TRPM1: variants seen among roughly 807,000 people sequenced by gnomAD.
TRPM1 encodes the protein TRPM1-203 APA Isoform, Intron 10.
TRPM1 carries 113 observed loss-of-function variants against 149.4 expected under a neutral mutation model. That is an observed-to-expected ratio of 0.76 (90% CI 0.65 to 0.88). The LOEUF (loss-of-function observed/expected upper bound fraction) is 0.88. Ranked by LOEUF, TRPM1 falls within the 40% of genes least tolerant of loss-of-function variation. The probability of loss-of-function intolerance (pLI) is 0.00; values close to 1 mark genes in which losing one functional copy is unlikely to be tolerated. For synonymous variants in TRPM1, 741 were observed against 759.5 expected (o/e 0.98, Z 0.40); for missense variants, 1,976 against 2,038.7 (o/e 0.97, Z 0.59).
At chr15:31,056,308 G>A (rs896595394) in intron 11 of TRPM1, among the ~76,000 whole-genome samples, 1 of 152,174 alleles carries the variant, frequency 6.6e-6, no homozygotes, top group African/African-American at 2.4e-5. Context: ...AGCATAAAGG[G>A]ACCTTTGAAA....
At position 31,063,357 on chromosome 15, in the gene TRPM1, C is replaced by A. The variant is rs2034288590; in HGVS notation, c.791-65G>T. On this transcript the variant is annotated intron_variant, in intron 7 of 27. Coordinates refer to ENST00000256552, the MANE Select transcript of TRPM1 (RefSeq NM_001252024.2). ...TGCACTGTCCACCCAGTCGTTTTAA[C>A]TCCTGAAGTATGGGGAAGAGTAAAA... The A allele has an allele frequency of 2.5e-6, 4 of 1,600,292 alleles. No homozygotes were observed. In the African/African-American group the frequency reaches 5.4e-5, roughly 21 times the overall value.
chr15:31,080,491 C>T (rs2140982420), intron 2 of TRPM1, among the ~76,000 whole-genome samples: 1 of 152,228 alleles, frequency 6.6e-6, no homozygotes, highest in Admixed American at 6.5e-5. Flanking sequence ...GAACTGAGGG[C>T]CATCCTACGA....
rs143580918 is a variant in TRPM1, at chr15:31,070,431, G to A, written c.84-205C>T. On this transcript the variant is annotated intron_variant, in intron 3 of 27. Transcript: ENST00000256552. ...GTGCACATCTCTTTATATGCCAGTC[G>A]ATTTTAGACACATTGGATGGTTGCT... 369 of 706,496 alleles carry A rather than the reference G, an allele frequency of 5.2e-4. 1 individual carries two copies. In the African/African-American group the frequency reaches 5.8e-3, roughly 11 times the overall value. The allele number at this position is 706,496 out of a possible 1,614,324, so 43.8% of individuals were successfully genotyped here. A position where few individuals can be genotyped will look rare whatever the true frequency, so the allele number is the denominator to read the frequency against.
chr15:31,017,178 C>A (rs1359491414), intron 27 of TRPM1, among the ~76,000 whole-genome samples: 1 of 151,856 alleles, frequency 6.6e-6, no homozygotes, highest in African/African-American at 2.4e-5. Context: ...TGGTGGCGTG[C>A]GTCTGTAGTC....
At chr15:31,020,823 T>C (rs1444842633) in intron 27 of TRPM1, among the ~76,000 whole-genome samples, 4 of 152,186 alleles carry the variant, frequency 2.6e-5, no homozygotes, top group African/African-American at 4.8e-5. Flanking sequence ...GTCTTGGTCT[T>C]CTGGTAGGCT....
At chr15:31,047,344 C>G (rs1025876639) in intron 14 of TRPM1, 93 bp from the exon 15 acceptor site, 2 of 1,447,840 alleles carry the variant, frequency 1.4e-6, no homozygotes, top group Non-Finnish European at 1.9e-6. Context: ...GTCCTGGCCC[C>G]CACTTGGGAG....
intron 27 of TRPM1, among the ~76,000 whole-genome samples, chr15:31,016,544 A>T (rs987332328): frequency 2.6e-5 from 4 of 152,182 alleles, no homozygotes; most frequent in African/African-American, 9.6e-5. Context: ...CCACTTATGA[A>T]TACTTTTGAA....
intron 11 of TRPM1, among the ~76,000 whole-genome samples, chr15:31,052,454 T>G (rs7174872): frequency 0.67 from 102,027 of 152,030 alleles, 34,769 homozygotes; most frequent in East Asian, 0.95. Context: ...ATGAATCAAA[T>G]ACCTGAACAT....
intron 6 of TRPM1, 76 bp from the exon 7 acceptor site, chr15:31,066,323 A>G: frequency 7.2e-6 from 11 of 1,518,006 alleles, no homozygotes; most frequent in East Asian, 2.3e-5. Context: ...AGCACAATAC[A>G]TATGTGTGGA....
At chr15:31,034,197 G>T (rs555824371) in intron 21 of TRPM1, among the ~76,000 whole-genome samples, 1 of 152,134 alleles carries the variant, frequency 6.6e-6, no homozygotes, top group African/African-American at 2.4e-5. Context: ...GGAAGTATCC[G>T]GCCTATCTTT....
At position 31,002,987 on chromosome 15, in the gene TRPM1, C is replaced by T. The variant is rs764504417; in HGVS notation, c.3713G>A (p.Arg1238Gln). ...AGATAATTCTTCTAGCTGAGCAAGT[C>T]GAAGGTCAACAGTCTGCAGGGAAGT... Reference protein sequence around the residue: ...MKTSLQTVDLRLAQLEELSNR... With the variant: ...MKTSLQTVDLQLAQLEELSNR... The change falls in exon 28 of 28, where the codon CGA (arginine) becomes CAA (glutamine). Residue 1238 changes from arginine to glutamine, a missense_variant. Coordinates refer to ENST00000256552, the MANE Select transcript of TRPM1 (RefSeq NM_001252024.2). 62 of 1,593,742 alleles carry T rather than the reference C, an allele frequency of 3.9e-5. No individual in the cohort carries two copies. The highest frequency in any genetic ancestry group is 5.0e-5 in the Non-Finnish European group (59 of 1,172,476).
chr15:31,099,109 C>A (rs1168565856), intron 1 of TRPM1, among the ~76,000 whole-genome samples: 9 of 152,146 alleles, frequency 5.9e-5, no homozygotes, highest in Admixed American at 5.9e-4. Context: ...ACAGAAAAAT[C>A]TCTTTCCTGG....
intron 1 of TRPM1, among the ~76,000 whole-genome samples, chr15:31,083,694 T>A (rs1407412264): frequency 6.6e-6 from 1 of 152,194 alleles, no homozygotes; most frequent in Non-Finnish European, 1.5e-5. Context: ...CTGGAGGTCC[T>A]GGCCTGGGTC....
Position 31,003,115 on chromosome 15 carries a change from G to C in TRPM1, c.3630-45C>G, listed in dbSNP as rs1255970965. On this transcript the variant is annotated intron_variant, in intron 27 of 27. Coordinates refer to ENST00000256552, the MANE Select transcript of TRPM1 (RefSeq NM_001252024.2). ...AGATTTATTAAACTGAGATTAAGTG[G>C]ATATTAAAAATCAAAAGATAATGTC... 4 of 1,525,110 alleles carry C rather than the reference G, an allele frequency of 2.6e-6. No homozygotes were observed. The South Asian group carries it at 3.6e-5, about 14-fold the overall frequency. The allele number at this position is 1,525,110 out of a possible 1,614,324, so 94.5% of individuals were successfully genotyped here.
chr15:31,070,095 C>T lies in TRPM1; in HGVS notation c.215G>A (p.Ser72Asn). The T allele has an allele frequency of 6.2e-7, 1 of 1,614,166 alleles. No individual in the cohort carries two copies. The highest frequency in any genetic ancestry group is 8.5e-7 in the Non-Finnish European group (1 of 1,180,036). ...AACTCCATAGGAATCTGTTGGGTAG[C>T]TCTGGGTGTGCTTGGCAACAGACCA... is the stretch of plus-strand genomic sequence containing the variant. ...EKWSVAKHTQ[S>N]YPTDSYGVLE... The change falls in exon 4 of 28, where the codon AGC becomes AAC. Residue 72 changes from serine to asparagine, a missense_variant. Ser to Asn is a conservative substitution (Grantham distance 46). Transcript: ENST00000256552.
At chr15:31,106,684 C>A (rs142376305), upstream of TRPM1, among the ~76,000 whole-genome samples, 49 of 152,242 alleles carry the variant, frequency 3.2e-4, no homozygotes, top group Middle Eastern at 3.4e-3. Context: ...TTTCACCAGA[C>A]CCGTGTCAAT....
chr15:31,155,570 T>C (rs1402248870), intron 1 of TRPM1, among the ~76,000 whole-genome samples: 1 of 152,164 alleles, frequency 6.6e-6, no homozygotes, highest in Non-Finnish European at 1.5e-5. Context: ...AAAATTAAAT[T>C]TCAAAATCAT....
chr15:31,123,933 C>A (rs1411993542), intron 1 of TRPM1, among the ~76,000 whole-genome samples: 2 of 152,158 alleles, frequency 1.3e-5, no homozygotes, highest in African/African-American at 2.4e-5. Context: ...AAATGTGAAG[C>A]AAGCAAGATG....
rs184820630 is a variant in TRPM1, at chr15:31,045,397, G to T, written c.1794+807C>A. ...TTTGTCCTATTGTGAGGGAACTTTA[G>T]TTGATTTTCCTGGATTTTCTAACTC... On this transcript the variant is annotated intron_variant, in intron 16 of 27. Coordinates refer to ENST00000256552, the MANE Select transcript of TRPM1 (RefSeq NM_001252024.2). Among the ~76,000 whole-genome samples, 132 of 152,226 alleles carry T rather than the reference G, an allele frequency of 8.7e-4. 1 individual carries two copies. The highest frequency in any genetic ancestry group is 3.1e-3 in the African/African-American group (130 of 41,538).
Sources: gnomAD v4.1 joint callset for allele counts (sites outside exome capture counted in the v4.1 genomes callset) on GRCh38, gnomAD v4.1.1 for gene constraint, MANE v1.5 for transcripts, NCBI Gene and HGNC (gene_info 2026-07-23, HGNC 2026-07-21) for gene names.